CNTNAP2: variants seen among roughly 807,000 people sequenced by gnomAD.
CNTNAP2 encodes contactin-associated protein-like 2.
A neutral mutation model predicts 155.2 loss-of-function variants in CNTNAP2; 98 were observed. That is an observed-to-expected ratio of 0.63 (90% confidence interval 0.54 to 0.75). CNTNAP2 has a LOEUF of 0.75. Among genes scored for constraint, CNTNAP2 ranks in the 30% least tolerant of loss-of-function variants. CNTNAP2 has a pLI of 0.00. For missense variants in CNTNAP2, 1,727 were observed against 1,688.1 expected, an observed-to-expected ratio of 1.02 and a Z score of -0.40; for synonymous variants, 651 against 631.2, an observed-to-expected ratio of 1.03 and a Z score of -0.47.
chr7:146,565,390 T>TG (rs539179637), intron 1 of CNTNAP2, among the ~76,000 whole-genome samples: 339 of 152,306 alleles, frequency 2.2e-3, no homozygotes, highest in African/African-American at 7.6e-3. Context: ...ATAGCCATTT[T>TG]TTTTTTGTTA....
At chr7:146,708,768 G>A (rs1197062361) in intron 1 of CNTNAP2, among the ~76,000 whole-genome samples, 1 of 151,306 alleles carries the variant, frequency 6.6e-6, no homozygotes, top group African/African-American at 2.4e-5. Flanking sequence ...GCTAATTTTT[G>A]TATTTTTTGT....
At chr7:147,121,404 C>A in intron 6 of CNTNAP2, 1 of 439,830 alleles carries the variant, frequency 2.3e-6, no homozygotes, top group Non-Finnish European at 4.1e-6. Flanking sequence ...AAGAGAGGAA[C>A]CATGCTATCC....
intron 13 of CNTNAP2, among the ~76,000 whole-genome samples, chr7:147,693,922 G>T (rs374997478): frequency 6.6e-6 from 1 of 152,006 alleles, no homozygotes; most frequent in African/African-American, 2.4e-5. Flanking sequence ...CCTTGTTCCT[G>T]ATCTTAGCAG....
intron 1 of CNTNAP2, among the ~76,000 whole-genome samples, chr7:146,551,953 A>G (rs1448483087): frequency 2.0e-5 from 3 of 152,052 alleles, no homozygotes; most frequent in Non-Finnish European, 4.4e-5. Flanking sequence ...GTAAGATACA[A>G]TCTCCTCAAT....
At chr7:146,751,956 C>T (rs1424885908) in intron 1 of CNTNAP2, among the ~76,000 whole-genome samples, 1 of 152,104 alleles carries the variant, frequency 6.6e-6, no homozygotes, top group Non-Finnish European at 1.5e-5. Flanking sequence ...GACATGAGCT[C>T]ATTCTTTTTT....
At chr7:146,836,468 G>C (rs1380964910) in intron 2 of CNTNAP2, among the ~76,000 whole-genome samples, 2 of 152,126 alleles carry the variant, frequency 1.3e-5, no homozygotes, top group Middle Eastern at 3.2e-3. Context: ...AATGTTTGCT[G>C]ACCCTTGATC....
chr7:146,334,247 C>T (rs987939043), intron 1 of CNTNAP2, among the ~76,000 whole-genome samples: 7 of 151,984 alleles, frequency 4.6e-5, no homozygotes, highest in Non-Finnish European at 7.4e-5. Context: ...CTGGCTAACA[C>T]GGTGAAACCC....
At chr7:146,258,227 A>G (rs1799868662) in intron 1 of CNTNAP2, among the ~76,000 whole-genome samples, 1 of 152,182 alleles carries the variant, frequency 6.6e-6, no homozygotes, top group African/African-American at 2.4e-5. Flanking sequence ...TTATTAAAGA[A>G]TTATTGAGAA....
chr7:146,439,072 TA>T (rs374478805), intron 1 of CNTNAP2, among the ~76,000 whole-genome samples: 1 of 151,268 alleles, frequency 6.6e-6, no homozygotes, highest in Non-Finnish European at 1.5e-5. Flanking sequence ...TATTTATTAC[TA>T]AAAAAAAGTA....
chr7:148,209,288 T>A (rs529867988), intron 18 of CNTNAP2, among the ~76,000 whole-genome samples: 1 of 140,940 alleles, frequency 7.1e-6, no homozygotes, highest in African/African-American at 2.6e-5. Context: ...GCTATTTTTT[T>A]CTTTTCTTCC....
intron 1 of CNTNAP2, among the ~76,000 whole-genome samples, chr7:146,235,166 G>A (rs802577): frequency 0.79 from 119,627 of 151,950 alleles, 47,321 homozygotes; most frequent in East Asian, 0.94. Context: ...GCTATAAAAG[G>A]GGCAGGAAGA....
intron 2 of CNTNAP2, among the ~76,000 whole-genome samples, chr7:146,809,056 G>T (rs1803018480): frequency 6.6e-6 from 1 of 152,092 alleles, no homozygotes; most frequent in South Asian, 2.1e-4. Flanking sequence ...TCAACATACT[G>T]ATTTCAGTTT....
At chr7:146,240,195 A>T (rs1260744382) in intron 1 of CNTNAP2, among the ~76,000 whole-genome samples, 1 of 152,204 alleles carries the variant, frequency 6.6e-6, no homozygotes, top group East Asian at 1.9e-4. Flanking sequence ...GCTCAGGCAC[A>T]GAAATGAATT....
At chr7:146,208,471 T>A (rs1179948842) in intron 1 of CNTNAP2, among the ~76,000 whole-genome samples, 1 of 152,096 alleles carries the variant, frequency 6.6e-6, no homozygotes. Flanking sequence ...GGAAATGGCA[T>A]GTCCTTACCC....
rs534561181 is a variant in CNTNAP2, at chr7:147,629,136, T to C, written c.1898-9970T>C. Among the ~76,000 whole-genome samples, 4 of 152,020 alleles carry C rather than the reference T, an allele frequency of 2.6e-5. No homozygotes were observed. In the South Asian group the frequency reaches 8.3e-4, roughly 32 times the overall value. ...ACGGACATAGGCCGACCGCTGTGGT[T>C]CATGGCTGTAATCCCAGCACTTTGG... On this transcript the variant is annotated intron_variant, in intron 12 of 23. Coordinates refer to ENST00000361727, the MANE Select transcript of CNTNAP2 (RefSeq NM_014141.6).
At chr7:146,933,758 A>T (rs550346422) in intron 3 of CNTNAP2, among the ~76,000 whole-genome samples, 112 of 152,040 alleles carry the variant, frequency 7.4e-4, no homozygotes, top group African/African-American at 2.6e-3. Context: ...AAAACAAACA[A>T]CCCCATCAAA....
At chr7:147,161,190 A>C (rs1802016748) in intron 8 of CNTNAP2, among the ~76,000 whole-genome samples, 1 of 152,162 alleles carries the variant, frequency 6.6e-6, no homozygotes, top group East Asian at 1.9e-4. Context: ...GTATAGAAAA[A>C]GAAATCTCTA....
chr7:146,145,670 C>A (rs998995909), intron 1 of CNTNAP2, among the ~76,000 whole-genome samples: 2 of 152,036 alleles, frequency 1.3e-5, no homozygotes, highest in Admixed American at 1.3e-4. Flanking sequence ...GGTCCCACAG[C>A]AATATAGTTC....
chr7:147,121,234 A>AT (rs1460101892), intron 6 of CNTNAP2, 71 bp downstream of exon 6: 13 of 1,436,926 alleles, frequency 9.0e-6, no homozygotes, highest in Non-Finnish European at 1.3e-5. Flanking sequence ...GTATTGTATT[A>AT]TTGTTAATTA....
Sources: allele counts gnomAD v4.1 joint callset (sites outside exome capture counted in the v4.1 genomes callset), GRCh38; gene constraint gnomAD v4.1.1; transcripts MANE v1.5; gene names NCBI Gene and HGNC (gene_info 2026-07-23, HGNC 2026-07-21).